Variants in AP3S2 observed in about 807,000 individuals in gnomAD.
AP3S2 encodes the protein adaptor related protein complex 3 subunit sigma 2, also known as AP-3 complex subunit sigma-2.
A neutral mutation model predicts 23.4 loss-of-function variants in AP3S2; 22 were observed. That is an observed-to-expected ratio of 0.94 (90% CI 0.67 to 1.34). AP3S2 has a LOEUF of 1.34. AP3S2 is among the 40% of genes most tolerant of loss of function. The probability of loss-of-function intolerance (pLI) is 0.00; values close to 1 mark genes in which losing one functional copy is unlikely to be tolerated. For synonymous variants in AP3S2, 86 were observed against 87.1 expected (o/e 0.99, Z 0.07); for missense variants, 241 against 236.9 (o/e 1.02, Z -0.11).
intron 4 of AP3S2, 103 bp from the exon 5 acceptor site, chr15:89,837,825 C>G: frequency 7.4e-7 from 1 of 1,359,656 alleles, no homozygotes; most frequent in Non-Finnish European, 1.0e-6. Context: ...CAGATATGAC[C>G]TGTCCTGACT....
chr15:89,859,425 G>T (rs1422527326), intron 4 of AP3S2, among the ~76,000 whole-genome samples: 1 of 109,396 alleles, frequency 9.1e-6, no homozygotes. Context: ...ATGGAGTCCT[G>T]CTCTGTCGCC....
intron 4 of AP3S2, among the ~76,000 whole-genome samples, chr15:89,868,387 G>A (rs1338968426): frequency 2.7e-5 from 1 of 37,668 alleles, no homozygotes. Flanking sequence ...CCGGGAGGGA[G>A]GTGGGGGGGT....
chr15:89,868,479 C>T (rs1342518569), intron 4 of AP3S2, among the ~76,000 whole-genome samples: 4 of 97,282 alleles, frequency 4.1e-5, no homozygotes, highest in African/African-American at 1.6e-4. Context: ...AGTGAGGAGC[C>T]CCTCTGCCCG....
chr15:89,863,838 T>C (rs899165456), intron 4 of AP3S2, among the ~76,000 whole-genome samples: 3 of 152,220 alleles, frequency 2.0e-5, no homozygotes, highest in Non-Finnish European at 4.4e-5. Context: ...GTGATGTTCC[T>C]ATTGTCTTAG....
intron 3 of AP3S2, among the ~76,000 whole-genome samples, chr15:89,878,816 G>A (rs905204607): frequency 6.6e-6 from 1 of 152,122 alleles, no homozygotes; most frequent in Non-Finnish European, 1.5e-5. Context: ...GCATGATCTC[G>A]GCTCGCTGCA....
chr15:89,891,653 C>T (rs1193348224), intron 1 of AP3S2, among the ~76,000 whole-genome samples: 2 of 146,434 alleles, frequency 1.4e-5, no homozygotes, highest in African/African-American at 5.0e-5. Context: ...GATTCAGTCT[C>T]GGAGGGAAAA....
intron 3 of AP3S2, chr15:89,877,489 T>C (rs373786738): frequency 2.4e-6 from 2 of 848,832 alleles, no homozygotes; most frequent in African/African-American, 3.5e-5. Context: ...TACAATTCAG[T>C]AGCATTCGAT....
intron 4 of AP3S2, among the ~76,000 whole-genome samples, chr15:89,859,193 TC>T (rs1386932323): frequency 4.6e-5 from 7 of 151,272 alleles, no homozygotes; most frequent in Non-Finnish European, 1.0e-4. Flanking sequence ...CTTCCTTCCT[TC>T]CCTCTCTCCT....
chr15:89,846,482 C>T (rs1220740762), intron 4 of AP3S2, among the ~76,000 whole-genome samples: 1 of 152,142 alleles, frequency 6.6e-6, no homozygotes, highest in East Asian at 1.9e-4. Flanking sequence ...CTTAACCTCC[C>T]CAGTAGCTGG....
intron 4 of AP3S2, among the ~76,000 whole-genome samples, chr15:89,851,341 TTC>T (rs1895647594): frequency 6.6e-6 from 1 of 151,996 alleles, no homozygotes; most frequent in Non-Finnish European, 1.5e-5. Context: ...CTAATTCATC[TTC>T]TTTTTTTTTT....
intron 4 of AP3S2, among the ~76,000 whole-genome samples, chr15:89,863,643 G>T (rs1184594340): frequency 6.6e-6 from 1 of 152,184 alleles, no homozygotes; most frequent in African/African-American, 2.4e-5. Context: ...TAAACAACTT[G>T]GCAGAGCCAA....
chr15:89,871,634 G>T, intron 3 of AP3S2, 88 bp from the exon 4 acceptor site: 1 of 1,317,828 alleles, frequency 7.6e-7, no homozygotes, highest in Non-Finnish European at 1.1e-6. Context: ...AAAAGGGGCT[G>T]TCACAATACT....
intron 4 of AP3S2, among the ~76,000 whole-genome samples, chr15:89,867,996 C>G (rs1238864742): frequency 7.0e-6 from 1 of 142,980 alleles, no homozygotes; most frequent in Non-Finnish European, 1.5e-5. Context: ...GTGGGGGGGT[C>G]AGCCCCCCGC....
At position 89,835,646 on chromosome 15, in the gene AP3S2, A is replaced by C. The variant is rs752743482; in HGVS notation, c.454-3T>G. ...GCAGGGGCTGCTGAAAGGCCACCCT[A>C]AGAAGAAATGAGAGGCGAGTATGAG... On this transcript the variant is annotated splice_polypyrimidine_tract_variant and splice_region_variant and intron_variant, in intron 5 of 5. Transcript: ENST00000336418. 1 of 1,609,024 alleles carries C rather than the reference A, an allele frequency of 6.2e-7. No individual in the cohort carries two copies.
At chr15:89,866,472 TTCCC>T (rs1471697914) in intron 4 of AP3S2, among the ~76,000 whole-genome samples, 2 of 151,564 alleles carry the variant, frequency 1.3e-5, no homozygotes, top group African/African-American at 4.8e-5. Context: ...GCAGCTGGCA[TTCCC>T]AGACAACTTC....
chr15:89,865,230 A>AATAT (rs34212960), intron 4 of AP3S2, among the ~76,000 whole-genome samples: 11 of 150,196 alleles, frequency 7.3e-5, no homozygotes, highest in African/African-American at 2.4e-4. Flanking sequence ...CCACAAATGG[A>AATAT]ATATATATAT....
chr15:89,861,401 A>C (rs922743279), intron 4 of AP3S2, among the ~76,000 whole-genome samples: 2 of 152,196 alleles, frequency 1.3e-5, no homozygotes, highest in Non-Finnish European at 1.5e-5. Context: ...TGAATTCTAA[A>C]TCCAGCTTTG....
chr15:89,874,510 C>G (rs1430868430), intron 3 of AP3S2, among the ~76,000 whole-genome samples: 2 of 152,178 alleles, frequency 1.3e-5, no homozygotes, highest in Admixed American at 6.5e-5. Flanking sequence ...TGAGGTGGCT[C>G]ATGCCTATAA....
chr15:89,833,554 G>A lies in AP3S2; in HGVS notation c.*1961C>T, dbSNP rs1274384189. 5 of 152,176 alleles carry A rather than the reference G, an allele frequency of 3.3e-5. No homozygotes were observed. Among genetic ancestry groups the A allele is most frequent in the African/African-American group, 1.2e-4 (5 of 41,436 alleles). 9.4% of individuals were successfully genotyped at this position (152,176 alleles called of 1,614,324 possible). ...ATCTTGCTCATGCCAACTTACAGAAGGTACGAAATAAACGCCGATCTCCTT... is the reference window on the plus strand; with the variant it reads ...ATCTTGCTCATGCCAACTTACAGAAAGTACGAAATAAACGCCGATCTCCTT... On this transcript the variant is annotated 3_prime_UTR_variant, in exon 6 of 6. Transcript: ENST00000336418.
Sources: allele counts gnomAD v4.1 joint callset (sites outside exome capture counted in the v4.1 genomes callset), GRCh38; gene constraint gnomAD v4.1.1; transcripts MANE v1.5; gene names NCBI Gene and HGNC (gene_info 2026-07-23, HGNC 2026-07-21).